ROBO2: variants seen among roughly 807,000 people sequenced by gnomAD.
ROBO2 encodes the protein roundabout homolog 2.
In ROBO2, 53 loss-of-function variants were observed where a neutral mutation model predicts 160.8. The observed-to-expected ratio is 0.33, with a 90% CI of 0.26 to 0.41. The LOEUF is 0.41. Ranked by LOEUF, ROBO2 falls within the 10% of genes least tolerant of loss-of-function variation. The pLI is 1.00. For missense variants in ROBO2, 1,577 were observed against 1,722.4 expected, an observed-to-expected ratio of 0.92 and a Z score of 1.49; for synonymous variants, 664 against 611.7, an observed-to-expected ratio of 1.09 and a Z score of -1.26.
At chr3:76,272,905 ATT>A (rs1354112966) in intron 2 of ROBO2, among the ~76,000 whole-genome samples, 2 of 47,426 alleles carry the variant, frequency 4.2e-5, no homozygotes, top group African/African-American at 1.2e-4. Context: ...TATAATATAT[ATT>A]TATATATAAA....
At chr3:77,008,839 A>G (rs2061719075) in intron 2 of ROBO2, among the ~76,000 whole-genome samples, 1 of 152,318 alleles carries the variant, frequency 6.6e-6, no homozygotes, top group Middle Eastern at 3.4e-3. Flanking sequence ...TCATGAAAGC[A>G]GAGAATTTGT....
At chr3:77,605,019 A>C (rs547970566) in intron 20 of ROBO2, among the ~76,000 whole-genome samples, 33 of 151,798 alleles carry the variant, frequency 2.2e-4, no homozygotes, top group Middle Eastern at 6.9e-3. Context: ...TACAAAAATT[A>C]GCCAAGCATG....
intron 2 of ROBO2, among the ~76,000 whole-genome samples, chr3:76,476,181 A>G (rs1425315272): frequency 6.6e-6 from 1 of 151,964 alleles, no homozygotes; most frequent in East Asian, 1.9e-4. Context: ...AAAGAAACAA[A>G]ACTTTGCTTT....
At chr3:76,617,494 G>C (rs2088686459) in intron 2 of ROBO2, among the ~76,000 whole-genome samples, 1 of 152,072 alleles carries the variant, frequency 6.6e-6, no homozygotes, top group African/African-American at 2.4e-5. Flanking sequence ...TGTTACAATG[G>C]TATTAAGAGA....
intron 2 of ROBO2, among the ~76,000 whole-genome samples, chr3:76,401,003 C>T (rs1228030285): frequency 1.3e-5 from 2 of 151,492 alleles, no homozygotes; most frequent in Non-Finnish European, 3.0e-5. Context: ...TGCTGCTGAA[C>T]CATAAGAAAT....
At chr3:77,518,224 T>C (rs943511485) in intron 5 of ROBO2, among the ~76,000 whole-genome samples, 8 of 151,456 alleles carry the variant, frequency 5.3e-5, no homozygotes, top group African/African-American at 1.9e-4. Context: ...GGAGGACTGA[T>C]TGGTTGCATG....
intron 2 of ROBO2, among the ~76,000 whole-genome samples, chr3:76,202,234 A>G (rs1439624910): frequency 8.5e-5 from 13 of 152,218 alleles, no homozygotes. Context: ...TTCATAATTC[A>G]TAAAATGGAG....
chr3:77,282,376 C>A (rs1234285309), intron 2 of ROBO2, among the ~76,000 whole-genome samples: 1 of 151,996 alleles, frequency 6.6e-6, no homozygotes, highest in African/African-American at 2.4e-5. Flanking sequence ...TGGTAGCTGA[C>A]AGGTACTGCT....
intron 22 of ROBO2, among the ~76,000 whole-genome samples, chr3:77,619,705 C>G (rs140596952): frequency 5.3e-5 from 8 of 152,122 alleles, no homozygotes; most frequent in African/African-American, 1.7e-4. Context: ...AACTCCAAGC[C>G]CCCCCATAAT....
chr3:77,606,803 T>C (rs751063925), intron 20 of ROBO2, among the ~76,000 whole-genome samples: 18 of 152,302 alleles, frequency 1.2e-4, no homozygotes, highest in Non-Finnish European at 2.2e-4. Flanking sequence ...TCCAGAAAGA[T>C]GAAGTCGAAA....
At chr3:77,109,099 A>G (rs1229516333) in intron 2 of ROBO2, among the ~76,000 whole-genome samples, 2 of 152,206 alleles carry the variant, frequency 1.3e-5, no homozygotes, top group Non-Finnish European at 1.5e-5. Context: ...AAATGTTGAA[A>G]AAAAAGGTTG....
intron 2 of ROBO2, among the ~76,000 whole-genome samples, chr3:76,277,130 C>T (rs1444081088): frequency 1.3e-5 from 2 of 151,956 alleles, no homozygotes; most frequent in Non-Finnish European, 2.9e-5. Flanking sequence ...ATAAGCATTC[C>T]AGTGGATGTA....
chr3:77,197,929 T>C (rs183567252), intron 2 of ROBO2, among the ~76,000 whole-genome samples: 1 of 152,040 alleles, frequency 6.6e-6, no homozygotes, highest in Non-Finnish European at 1.5e-5. Context: ...TCTTTGAAGA[T>C]GGGGGTGAGG....
At chr3:76,920,404 T>G (rs2076583163) in intron 2 of ROBO2, among the ~76,000 whole-genome samples, 1 of 152,178 alleles carries the variant, frequency 6.6e-6, no homozygotes, top group African/African-American at 2.4e-5. Flanking sequence ...TATTTGACAC[T>G]TAGGGGTCAG....
chr3:76,868,632 G>A (rs760295059), intron 2 of ROBO2, among the ~76,000 whole-genome samples: 5 of 152,006 alleles, frequency 3.3e-5, no homozygotes, highest in African/African-American at 4.8e-5. Context: ...TCTCAATAAG[G>A]AATATTAGGA....
At chr3:76,704,366 AC>A (rs1475127739) in intron 2 of ROBO2, among the ~76,000 whole-genome samples, 1 of 151,932 alleles carries the variant, frequency 6.6e-6, no homozygotes, top group Non-Finnish European at 1.5e-5. Context: ...CTGCATTTTG[AC>A]TTTTGTTGAT....
At chr3:76,308,905 C>T (rs2071443496) in intron 2 of ROBO2, among the ~76,000 whole-genome samples, 2 of 152,206 alleles carry the variant, frequency 1.3e-5, no homozygotes, top group Non-Finnish European at 2.9e-5. Context: ...ATCTAACCAG[C>T]TTTACCCCAT....
At chr3:76,360,950 T>C (rs2075480862) in intron 2 of ROBO2, among the ~76,000 whole-genome samples, 1 of 152,030 alleles carries the variant, frequency 6.6e-6, no homozygotes, top group Admixed American at 6.6e-5. Context: ...ATATCAGGTC[T>C]TACCTATTTC....
intron 2 of ROBO2, among the ~76,000 whole-genome samples, chr3:76,242,306 T>TA (rs1705338887): frequency 6.6e-6 from 1 of 152,178 alleles, no homozygotes; most frequent in South Asian, 2.1e-4. Context: ...CAAATGCGAC[T>TA]AGGAGGCATA....
Sources: gnomAD v4.1 joint callset for allele counts (sites outside exome capture counted in the v4.1 genomes callset) on GRCh38, gnomAD v4.1.1 for gene constraint, MANE v1.5 for transcripts, NCBI Gene and HGNC (gene_info 2026-07-23, HGNC 2026-07-21) for gene names.